FBXW7: variants seen among roughly 807,000 people sequenced by gnomAD.
The protein encoded by FBXW7 is F-box and WD repeat domain containing 7.
In FBXW7, 11 loss-of-function variants were observed where a neutral mutation model predicts 86.3. The ratio of observed to expected loss-of-function variants is 0.13; its 90% CI spans 0.08 to 0.21. FBXW7 has a LOEUF of 0.21. Ranked by LOEUF, FBXW7 falls within the 10% of genes least tolerant of loss-of-function variation. The probability of loss-of-function intolerance (pLI) is 1.00; values close to 1 mark genes in which losing one functional copy is unlikely to be tolerated. For missense variants in FBXW7, 488 were observed against 847.4 expected, an observed-to-expected ratio of 0.58 and a Z score of 5.27; for synonymous variants, 313 against 297.9, an observed-to-expected ratio of 1.05 and a Z score of -0.52.
At chr4:152,420,983 G>A (rs1418236477) in intron 2 of FBXW7, among the ~76,000 whole-genome samples, 1 of 152,090 alleles carries the variant, frequency 6.6e-6, no homozygotes, top group African/African-American at 2.4e-5. Flanking sequence ...CCCCTATCCA[G>A]CTAGAAAAGT....
intron 6 of FBXW7, among the ~76,000 whole-genome samples, chr4:152,343,218 T>C (rs1730913690): frequency 6.6e-6 from 1 of 152,174 alleles, no homozygotes; most frequent in African/African-American, 2.4e-5. Context: ...TATGCTTTAA[T>C]TAAAATAATG....
chr4:152,342,580 A>G (rs1158437217), intron 6 of FBXW7, among the ~76,000 whole-genome samples: 2 of 152,186 alleles, frequency 1.3e-5, no homozygotes, highest in Non-Finnish European at 2.9e-5. Context: ...AGACTGTTTT[A>G]TGACCTTGGG....
chr4:152,368,415 A>ATG lies in FBXW7; in HGVS notation c.502-18293_502-18292dup, dbSNP rs1491205352. Among the ~76,000 whole-genome samples the ATG allele has an allele frequency of 2.0e-5, 3 of 152,086 alleles. 1 individual carries two copies. Among genetic ancestry groups the ATG allele is most frequent in the East Asian group, 1.9e-4 (1 of 5,180 alleles). On this transcript the variant is annotated intron_variant, in intron 4 of 13. Transcript: ENST00000281708. Reference sequence around the variant, plus strand: ...GATGCCCGTGTGTGCGGATGCATGCATGTGTGTGTGTTAAATATGGAATTT... The same window carrying ATG: ...GATGCCCGTGTGTGCGGATGCATGCATGTGTGTGTGTGTTAAATATGGAATTT...
chr4:152,462,178 T>G (rs1274659289), intron 2 of FBXW7, among the ~76,000 whole-genome samples: 2 of 152,192 alleles, frequency 1.3e-5, no homozygotes, highest in Non-Finnish European at 2.9e-5. Flanking sequence ...GAGATTATAC[T>G]GAGATGTGTG....
chr4:152,402,414 AAC>A (rs1414764523), intron 4 of FBXW7, among the ~76,000 whole-genome samples: 1 of 152,208 alleles, frequency 6.6e-6, no homozygotes, highest in African/African-American at 2.4e-5. Context: ...ATACCACAGT[AAC>A]AGAGATTTAG....
chr4:152,496,708 A>G (rs944228352), intron 2 of FBXW7, among the ~76,000 whole-genome samples: 4 of 152,212 alleles, frequency 2.6e-5, no homozygotes, highest in Admixed American at 2.0e-4. Context: ...TTGAACAGAA[A>G]TATCAATGAC....
intron 2 of FBXW7, among the ~76,000 whole-genome samples, chr4:152,425,670 T>C (rs1249301203): frequency 6.6e-6 from 1 of 151,762 alleles, no homozygotes; most frequent in African/African-American, 2.4e-5. Context: ...GAAATCCATA[T>C]GGCCAAGTAC....
intron 2 of FBXW7, among the ~76,000 whole-genome samples, chr4:152,431,395 G>A (rs1739877961): frequency 6.6e-6 from 1 of 152,156 alleles, no homozygotes; most frequent in Non-Finnish European, 1.5e-5. Flanking sequence ...GGAAAAAAAA[G>A]CTGATTTGTT....
intron 2 of FBXW7, among the ~76,000 whole-genome samples, chr4:152,526,491 T>A (rs1749525588): frequency 6.6e-6 from 1 of 152,190 alleles, no homozygotes; most frequent in Non-Finnish European, 1.5e-5. Context: ...AAAAGGAATT[T>A]TTAAAACCCA....
At chr4:152,470,508 A>T (rs529878316) in intron 2 of FBXW7, among the ~76,000 whole-genome samples, 1 of 152,290 alleles carries the variant, frequency 6.6e-6, no homozygotes, top group East Asian at 1.9e-4. Context: ...TTATTAAAAA[A>T]TTAACATGAG....
chr4:152,472,210 A>G (rs1265787364), intron 2 of FBXW7, among the ~76,000 whole-genome samples: 1 of 152,200 alleles, frequency 6.6e-6, no homozygotes, highest in Non-Finnish European at 1.5e-5. Context: ...GTATAATAAT[A>G]TAATACAAAC....
chr4:152,473,235 G>A (rs1044085476), intron 2 of FBXW7, among the ~76,000 whole-genome samples: 4 of 152,094 alleles, frequency 2.6e-5, no homozygotes, highest in African/African-American at 9.7e-5. Flanking sequence ...GAGCAAGACT[G>A]TCTCCAAAAA....
intron 11 of FBXW7, among the ~76,000 whole-genome samples, chr4:152,327,292 T>A (rs1352207884): frequency 6.6e-6 from 1 of 152,048 alleles, no homozygotes; most frequent in Non-Finnish European, 1.5e-5. Flanking sequence ...GAAAAGGTAC[T>A]CCTTTTCACA....
chr4:152,500,772 G>C (rs968517042), intron 2 of FBXW7, among the ~76,000 whole-genome samples: 2 of 152,102 alleles, frequency 1.3e-5, no homozygotes, highest in African/African-American at 4.8e-5. Context: ...CCCATATACA[G>C]AAATGTATTC....
intron 2 of FBXW7, among the ~76,000 whole-genome samples, chr4:152,449,161 C>T (rs1033174466): frequency 6.6e-6 from 1 of 152,184 alleles, no homozygotes; most frequent in Non-Finnish European, 1.5e-5. Flanking sequence ...GAACTGCTGA[C>T]CTTTTATGAC....
chr4:152,371,172 T>TTA (rs910840136), intron 4 of FBXW7, among the ~76,000 whole-genome samples: 1 of 151,928 alleles, frequency 6.6e-6, no homozygotes, highest in Non-Finnish European at 1.5e-5. Context: ...ATATCTACTG[T>TTA]TATTTATACC....
At chr4:152,507,876 ACT>A (rs977324306) in intron 2 of FBXW7, among the ~76,000 whole-genome samples, 2 of 148,132 alleles carry the variant, frequency 1.4e-5, no homozygotes, top group African/African-American at 5.0e-5. Context: ...ACACAGCAAG[ACT>A]CTGTCTCTAT....
chr4:152,387,255 T>C (rs1345746003), intron 4 of FBXW7, among the ~76,000 whole-genome samples: 1 of 152,170 alleles, frequency 6.6e-6, no homozygotes, highest in Non-Finnish European at 1.5e-5. Flanking sequence ...ACAAGTGACT[T>C]ACTCTGTTGT....
At chr4:152,337,685 G>C (rs1578912924) in intron 7 of FBXW7, 117 bp downstream of exon 7, 2 of 1,033,666 alleles carry the variant, frequency 1.9e-6, no homozygotes, top group South Asian at 3.5e-5. Flanking sequence ...CACTAATTAA[G>C]AGTGTCAAAC....
Sources: gnomAD v4.1 joint callset for allele counts (sites outside exome capture counted in the v4.1 genomes callset) on GRCh38, gnomAD v4.1.1 for gene constraint, MANE v1.5 for transcripts, NCBI Gene and HGNC (gene_info 2026-07-23, HGNC 2026-07-21) for gene names.